Variants in WDFY1 observed in about 807,000 individuals in gnomAD.
WDFY1 encodes WD repeat and FYVE domain-containing protein 1.
Under a neutral mutation model 56.4 loss-of-function variants are expected in WDFY1, and 32 were observed. The observed-to-expected ratio is 0.57, with a 90% CI of 0.43 to 0.76. The LOEUF (loss-of-function observed/expected upper bound fraction) is 0.76. Ranked by LOEUF, WDFY1 falls within the 30% of genes least tolerant of loss-of-function variation. The pLI, the probability that WDFY1 is intolerant of heterozygous loss-of-function variation, is 0.00. For synonymous variants in WDFY1, 192 were observed against 197.3 expected (o/e 0.97, Z 0.23); for missense variants, 480 against 545.7 (o/e 0.88, Z 1.20).
At chr2:223,908,431 T>G (rs1693638321) in intron 3 of WDFY1, among the ~76,000 whole-genome samples, 1 of 152,044 alleles carries the variant, frequency 6.6e-6, no homozygotes, top group African/African-American at 2.4e-5. Flanking sequence ...CCCAATTTCA[T>G]CCTCTCCCTC....
At chr2:223,902,119 C>T (rs1693517130) in intron 4 of WDFY1, among the ~76,000 whole-genome samples, 1 of 152,196 alleles carries the variant, frequency 6.6e-6, no homozygotes, top group South Asian at 2.1e-4. Context: ...TGACCTTGCT[C>T]TCAGCTGTAC....
intron 4 of WDFY1, among the ~76,000 whole-genome samples, chr2:223,905,472 T>C (rs1209169180): frequency 6.6e-6 from 1 of 152,210 alleles, no homozygotes; most frequent in African/African-American, 2.4e-5. Context: ...TTGGGCTACA[T>C]ACTGAGACCT....
chr2:223,900,239 G>A (rs948882206), intron 5 of WDFY1, among the ~76,000 whole-genome samples: 50 of 152,252 alleles, frequency 3.3e-4, no homozygotes, highest in African/African-American at 9.4e-4. Context: ...ATTTTGAGAG[G>A]CCTAGCACGT....
At chr2:223,934,165 T>G (rs1413044434) in intron 1 of WDFY1, among the ~76,000 whole-genome samples, 1 of 149,172 alleles carries the variant, frequency 6.7e-6, no homozygotes, top group Non-Finnish European at 1.5e-5. Flanking sequence ...CTCAGCTCAC[T>G]GCAACCTCCG....
intron 8 of WDFY1, among the ~76,000 whole-genome samples, chr2:223,890,938 C>G (rs1001433664): frequency 6.6e-6 from 1 of 152,168 alleles, no homozygotes. Flanking sequence ...GCTTCCAACT[C>G]GACAGCGTAG....
At chr2:223,895,013 C>T (rs1693340302) in intron 7 of WDFY1, among the ~76,000 whole-genome samples, 1 of 152,184 alleles carries the variant, frequency 6.6e-6, no homozygotes, top group African/African-American at 2.4e-5. Context: ...CCTAAATATA[C>T]AATGGTATCA....
At chr2:223,906,955 C>CT (rs1559168685) in intron 3 of WDFY1, among the ~76,000 whole-genome samples, 8 of 65,848 alleles carry the variant, frequency 1.2e-4, no homozygotes, top group African/African-American at 1.9e-4. Flanking sequence ...TTACTACTAC[C>CT]ATTATTATTA....
chr2:223,900,144 A>G (rs779084003), intron 5 of WDFY1, among the ~76,000 whole-genome samples: 6 of 152,218 alleles, frequency 3.9e-5, no homozygotes, highest in Admixed American at 6.5e-5. Context: ...CAGTAGGATA[A>G]CTATCACTCT....
At chr2:223,883,676 C>T (rs569720149) in intron 9 of WDFY1, among the ~76,000 whole-genome samples, 4 of 152,270 alleles carry the variant, frequency 2.6e-5, no homozygotes, top group South Asian at 2.1e-4. Flanking sequence ...GATGGAGTCT[C>T]GCTCTGTCAC....
intron 1 of WDFY1, among the ~76,000 whole-genome samples, chr2:223,942,960 A>C (rs1689337930): frequency 6.6e-6 from 1 of 150,864 alleles, no homozygotes. Context: ...AGGCGGGTGG[A>C]TCACGAGGTC....
intron 8 of WDFY1, among the ~76,000 whole-genome samples, chr2:223,885,786 A>G (rs1693163742): frequency 6.6e-6 from 1 of 152,070 alleles, no homozygotes; most frequent in African/African-American, 2.4e-5. Flanking sequence ...CTGGGTAGGG[A>G]CTATGCCGGC....
At chr2:223,917,847 C>G in intron 2 of WDFY1, 96 bp downstream of exon 2, 1 of 1,439,458 alleles carries the variant, frequency 6.9e-7, no homozygotes, top group South Asian at 1.2e-5. Context: ...GCTGGGATTA[C>G]AGGTGTGAGC....
intron 10 of WDFY1, among the ~76,000 whole-genome samples, chr2:223,881,680 C>G (rs58825329): frequency 6.6e-6 from 1 of 151,944 alleles, no homozygotes; most frequent in Non-Finnish European, 1.5e-5. Flanking sequence ...CCCAGCTACT[C>G]GGGTGGCTGA....
At chr2:223,881,054 A>G (rs1267166782) in intron 10 of WDFY1, among the ~76,000 whole-genome samples, 1 of 152,226 alleles carries the variant, frequency 6.6e-6, no homozygotes, top group African/African-American at 2.4e-5. Flanking sequence ...GCTTTAAAAG[A>G]TGATTCAAAG....
At chr2:223,894,867 T>C (rs1693336047) in intron 7 of WDFY1, among the ~76,000 whole-genome samples, 2 of 152,188 alleles carry the variant, frequency 1.3e-5, no homozygotes, top group South Asian at 4.1e-4. Context: ...CTGTTATACT[T>C]GTGTATAATA....
At chr2:223,880,994 G>A (rs983907755) in intron 10 of WDFY1, among the ~76,000 whole-genome samples, 3 of 152,154 alleles carry the variant, frequency 2.0e-5, no homozygotes, top group Admixed American at 6.5e-5. Flanking sequence ...AACACCAGTC[G>A]TGATGCACTA....
rs1693586833 is a variant in WDFY1 at position 223,905,670 on chromosome 2, T to G, written c.334+277A>C. ...TACACACACATACATGTATGAAGAG[T>G]AGTGTGTGTTATCAAAAAAAAAATG... On this transcript the variant is annotated intron_variant, in intron 4 of 11. Transcript: ENST00000233055. Among the ~76,000 whole-genome samples the G allele has an allele frequency of 4.6e-5, 7 of 151,142 alleles. No homozygotes were observed. In the South Asian group the frequency reaches 1.5e-3, roughly 32 times the overall value.
chr2:223,938,570 G>A (rs1574784016), intron 1 of WDFY1, among the ~76,000 whole-genome samples: 1 of 152,146 alleles, frequency 6.6e-6, no homozygotes, highest in Admixed American at 6.6e-5. Context: ...CTTCATACAA[G>A]AAGTAGTACC....
chr2:223,935,488 G>T (rs1694154215), intron 1 of WDFY1, among the ~76,000 whole-genome samples: 1 of 152,348 alleles, frequency 6.6e-6, no homozygotes, highest in Middle Eastern at 3.4e-3. Flanking sequence ...AGCATACTTT[G>T]TAGAGAGGGA....
Sources: allele counts gnomAD v4.1 joint callset (sites outside exome capture counted in the v4.1 genomes callset), GRCh38; gene constraint gnomAD v4.1.1; transcripts MANE v1.5; gene names NCBI Gene and HGNC (gene_info 2026-07-23, HGNC 2026-07-21).